Variants in CHRNB2 observed in about 807,000 individuals in gnomAD.
CHRNB2 encodes cholinergic receptor nicotinic beta 2 subunit.
CHRNB2 carries 33 observed loss-of-function variants against 42.7 expected under a neutral mutation model. That is an observed-to-expected ratio of 0.77 (90% CI 0.59 to 1.03). The LOEUF (loss-of-function observed/expected upper bound fraction) is 1.03, where lower values mean the gene tolerates loss of function less well. Ranked by LOEUF, CHRNB2 falls within the 50% of genes least tolerant of loss-of-function variation. The pLI is 0.00. For missense variants in CHRNB2, 603 were observed against 700.9 expected (o/e 0.86, Z 1.58); for synonymous variants, 325 against 292.9 (o/e 1.11, Z -1.12).
chr1:154,575,514 G>A (rs1696254708), intron 5 of CHRNB2, among the ~76,000 whole-genome samples: 1 of 152,192 alleles, frequency 6.6e-6, no homozygotes, highest in Admixed American at 6.5e-5. Context: ...GGGGTGGGAG[G>A]AGGAGGAGAT....
intron 5 of CHRNB2, among the ~76,000 whole-genome samples, chr1:154,574,578 A>T (rs1284866107): frequency 7.2e-6 from 1 of 138,526 alleles, no homozygotes; most frequent in Non-Finnish European, 1.5e-5. Flanking sequence ...GTTCTCTCTC[A>T]CTCATCAGAC....
chr1:154,572,230 C>T, intron 5 of CHRNB2, 69 bp downstream of exon 5: 3 of 1,531,480 alleles, frequency 2.0e-6, no homozygotes, highest in Non-Finnish European at 2.6e-6. Context: ...ATCTGGAAAG[C>T]AGCGGCGTTC....
chr1:154,570,556 T>C (rs1437699405), intron 4 of CHRNB2, among the ~76,000 whole-genome samples, 189 bp downstream of exon 4: 2 of 152,048 alleles, frequency 1.3e-5, no homozygotes, highest in Non-Finnish European at 2.9e-5. Flanking sequence ...ACCTGGGCAA[T>C]GACCAGCCCA....
Position 154,567,798 on chromosome 1 carries a change from C to G in CHRNB2, c.-247C>G. The G allele has an allele frequency of 2.3e-6, 1 of 432,908 alleles. No homozygotes were observed. Among genetic ancestry groups the G allele is most frequent in the Non-Finnish European group, 4.0e-6 (1 of 248,048 alleles). 26.8% of individuals were successfully genotyped at this position (432,908 alleles called of 1,614,324 possible). A position where few individuals can be genotyped will look rare whatever the true frequency, so the allele number is the denominator to read the frequency against. On this transcript the variant is annotated 5_prime_UTR_variant, in exon 1 of 6. Coordinates refer to ENST00000368476, the MANE Select transcript of CHRNB2 (RefSeq NM_000748.3). ...GGCGCAGACTCCTCCCCCTCACCGT[C>G]CCAATTGTATTCCCTGGAAGAGCAG...
At position 154,568,042 on chromosome 1, in the gene CHRNB2, G is replaced by C; in HGVS notation, c.-3G>C. 6.3e-7 allele frequency: 1 copy of C among 1,590,060 alleles called. No homozygotes were observed. Among genetic ancestry groups the C allele is most frequent in the Non-Finnish European group, 8.5e-7 (1 of 1,170,888 alleles). On this transcript the variant is annotated 5_prime_UTR_variant, in exon 1 of 6. Coordinates refer to ENST00000368476, the MANE Select transcript of CHRNB2 (RefSeq NM_000748.3). ...AGGCGAGGCAGCGAGCTATGCCCGC[G>C]GCATGGCCCGGCGCTGCGGCCCCGT...
chr1:154,568,033 T>C lies in CHRNB2; in HGVS notation c.-12T>C, dbSNP rs905722721. On this transcript the variant is annotated 5_prime_UTR_variant, in exon 1 of 6. Coordinates refer to ENST00000368476, the MANE Select transcript of CHRNB2 (RefSeq NM_000748.3). ...AGCCGGTGTAGGCGAGGCAGCGAGC[T>C]ATGCCCGCGGCATGGCCCGGCGCTG... is the stretch of plus-strand genomic sequence containing the variant. The C allele has an allele frequency of 7.0e-6, 11 of 1,582,062 alleles. No homozygotes were observed. Among genetic ancestry groups the C allele is most frequent in the Non-Finnish European group, 7.7e-6 (9 of 1,167,304 alleles).
Position 154,576,204 on chromosome 1 carries a change from T to C in CHRNB2, c.*272T>C, listed in dbSNP as rs111787379. ...TGAGGAGGGGAGCAAGGCTGCTAAG[T>C]GGAAGACAGAGATGGCAGAGCCATC... On this transcript the variant is annotated 3_prime_UTR_variant, in exon 6 of 6. Coordinates refer to ENST00000368476, the MANE Select transcript of CHRNB2 (RefSeq NM_000748.3). 779 of 510,386 alleles carry C rather than the reference T, an allele frequency of 1.5e-3. 9 individuals carry two copies. Among genetic ancestry groups the C allele is most frequent in the African/African-American group, 0.013 (694 of 51,892 alleles). 31.6% of individuals were successfully genotyped at this position (510,386 alleles called of 1,614,324 possible).
chr1:154,569,349 G>C, intron 1 of CHRNB2, 113 bp from the exon 2 acceptor site: 1 of 1,253,122 alleles, frequency 8.0e-7, no homozygotes. Context: ...GTATCCTTAG[G>C]GATGTAGGGA....
chr1:154,569,747 C>A lies in CHRNB2; in HGVS notation c.211-45C>A. 1.9e-6 allele frequency: 3 copies of A among 1,613,984 alleles called. No homozygotes were observed. In the South Asian group the frequency reaches 3.3e-5, roughly 18 times the overall value. On this transcript the variant is annotated intron_variant, in intron 2 of 5. Transcript: ENST00000368476. Reference sequence around the variant, plus strand: ...GGACCCTGGGTGGTGGCAGTGACCCCACAGGCTTAGGGGCCTTCTCGGCAG... The same window carrying A: ...GGACCCTGGGTGGTGGCAGTGACCCAACAGGCTTAGGGGCCTTCTCGGCAG...
Position 154,575,785 on chromosome 1 carries a change from C to G in CHRNB2, c.1362C>G (p.Val454=). 1 of 1,614,162 alleles carries G rather than the reference C, an allele frequency of 6.2e-7. No homozygotes were observed. Among genetic ancestry groups the G allele is most frequent in the South Asian group, 1.1e-5 (1 of 91,082 alleles). Residue 454 remains valine (V), a synonymous_variant, in exon 6 of 6, where the codon GTC becomes GTG. Transcript: ENST00000368476. ...DQSVSEDWKY[V]AMVIDRLFLW... is the part of the protein sequence containing the mutation. Reference sequence around the variant, plus strand: ...AGGTGAGTGAGGACTGGAAGTACGTCGCCATGGTGATCGACCGCCTCTTCC... The same window carrying G: ...AGGTGAGTGAGGACTGGAAGTACGTGGCCATGGTGATCGACCGCCTCTTCC...
At position 154,571,624 on chromosome 1, in the gene CHRNB2, G is replaced by C; in HGVS notation, c.801G>C (p.Thr267=). The C allele has an allele frequency of 1.2e-6, 2 of 1,614,210 alleles. No individual in the cohort carries two copies. Among genetic ancestry groups the C allele is most frequent in the African/African-American group, 1.3e-5 (1 of 75,066 alleles). The change falls in exon 5 of 6, where the codon ACG becomes ACC. Residue 267 remains threonine (T), a synonymous_variant. Transcript: ENST00000368476. The surrounding 1 kb of genome is among the most constrained non-coding windows in gnomAD (Gnocchi z 6.8). ...YLPSDCGEKM[T]LCISVLLALT... ...CATCCGACTGTGGCGAGAAGATGAC[G>C]TTGTGCATCTCAGTGCTGCTGGCGC...
At chr1:154,570,998 T>A (rs1001642557) in intron 4 of CHRNB2, among the ~76,000 whole-genome samples, 191 bp from the exon 5 acceptor site, 4 of 150,774 alleles carry the variant, frequency 2.7e-5, no homozygotes, top group South Asian at 2.1e-4. Flanking sequence ...GTCACTAACC[T>A]TCCCCCCCCT....
At chr1:154,568,176 T>A (rs1696096293) in intron 1 of CHRNB2, 68 bp downstream of exon 1, 1 of 1,515,774 alleles carries the variant, frequency 6.6e-7, no homozygotes, top group African/African-American at 1.4e-5. Flanking sequence ...CGCCGCCCTC[T>A]GACTCACCCC....
In CHRNB2 at chr1:154,579,828, G is replaced by A. The variant is rs200269196; in HGVS notation, c.*3896G>A. On this transcript the variant is annotated 3_prime_UTR_variant, in exon 6 of 6. Transcript: ENST00000368476. ...ATTTGCACTGGTCTAGCCTACTCCAGGTCAGACTCATTAGGAACTCAAGAT... is the reference window on the plus strand; with the variant it reads ...ATTTGCACTGGTCTAGCCTACTCCAAGTCAGACTCATTAGGAACTCAAGAT... The A allele has an allele frequency of 6.6e-6, 1 of 152,280 alleles. No individual in the cohort carries two copies. Among genetic ancestry groups the A allele is most frequent in the Non-Finnish European group, 1.5e-5 (1 of 68,080 alleles). 9.4% of individuals were successfully genotyped at this position (152,280 alleles called of 1,614,324 possible). A position where few individuals can be genotyped will look rare whatever the true frequency, so the allele number is the denominator to read the frequency against.
In CHRNB2 at chr1:154,568,052, G is replaced by A. The variant is rs1005369144; in HGVS notation, c.8G>A (p.Arg3Gln). 1.3e-6 allele frequency: 2 copies of A among 1,597,528 alleles called. No individual in the cohort carries two copies. The highest frequency in any genetic ancestry group is 1.7e-6 in the Non-Finnish European group (2 of 1,174,074). The change falls in exon 1 of 6, where the codon CGG becomes CAG. Residue 3 changes from arginine (R) to glutamine (Q), a missense_variant. Arg to Gln is a conservative substitution (Grantham distance 43, BLOSUM62 1). Around this residue, in one of 2 missense-constraint regions of CHRNB2, gnomAD observed 333 missense variants for 452.6 expected, o/e 0.74. Coordinates refer to ENST00000368476, the MANE Select transcript of CHRNB2 (RefSeq NM_000748.3). ...GCGAGCTATGCCCGCGGCATGGCCC[G>A]GCGCTGCGGCCCCGTGGCGCTGCTC... MA[R>Q]RCGPVALLLG... is the part of the protein sequence containing the mutation.
chr1:154,568,157 C>T (rs1469128122), intron 1 of CHRNB2, 49 bp downstream of exon 1: 10 of 1,559,194 alleles, frequency 6.4e-6, no homozygotes, highest in African/African-American at 1.4e-5. Context: ...CAGCCAACGG[C>T]CCAAGACTCG....
In CHRNB2 at chr1:154,569,563, G is replaced by A; in HGVS notation, c.166G>A (p.Val56Met). 6.2e-7 allele frequency: 1 copy of A among 1,614,122 alleles called. No individual in the cohort carries two copies. The highest frequency in any genetic ancestry group is 8.5e-7 in the Non-Finnish European group (1 of 1,180,012). ...IRPATNGSEL[V>M]TVQLMVSLAQ... ...CCCAGCCACCAATGGCTCTGAGCTG[G>A]TGACAGTACAGCTTATGGTGTCACT... is the stretch of plus-strand genomic sequence containing the variant. Residue 56 changes from valine to methionine, a missense_variant, in exon 2 of 6, where the codon GTG (valine) becomes ATG (methionine). Val to Met is a conservative substitution (Grantham distance 21). Transcript: ENST00000368476.
chr1:154,573,386 C>T (rs1696213029), intron 5 of CHRNB2, among the ~76,000 whole-genome samples: 1 of 152,222 alleles, frequency 6.6e-6, no homozygotes, highest in Non-Finnish European at 1.5e-5. Context: ...GGTCTACATC[C>T]TAACCACCAA....
chr1:154,571,428 A>G lies in CHRNB2; in HGVS notation c.605A>G (p.Glu202Gly). The G allele has an allele frequency of 6.2e-7, 1 of 1,614,172 alleles. No individual in the cohort carries two copies. The highest frequency in any genetic ancestry group is 8.5e-7 in the Non-Finnish European group (1 of 1,180,034). ...CTGGACGACTTCACACCTAGTGGTG[A>G]GTGGGACATCGTGGCGCTGCCGGGC... ...ASLDDFTPSG[E>G]WDIVALPGRR... The change falls in exon 5 of 6, where the codon GAG (glutamate) becomes GGG (glycine). Residue 202 changes from glutamate to glycine, a missense_variant. Around this residue, in one of 2 missense-constraint regions of CHRNB2, gnomAD observed 333 missense variants for 452.6 expected, o/e 0.74. Transcript: ENST00000368476. The surrounding 1 kb of genome is among the most constrained non-coding windows in gnomAD (Gnocchi z 6.8).
Sources: allele counts gnomAD v4.1 joint callset (sites outside exome capture counted in the v4.1 genomes callset), GRCh38; gene constraint gnomAD v4.1.1; regional missense constraint gnomAD v4.1.1; non-coding constraint Gnocchi (gnomAD v3.1); transcripts MANE v1.5; gene names NCBI Gene and HGNC (gene_info 2026-07-23, HGNC 2026-07-21).